Variants in OR2L13 observed in about 807,000 individuals in gnomAD.
OR2L13 encodes the protein olfactory receptor 2L13.
In OR2L13, 14 loss-of-function variants were observed where a neutral mutation model predicts 15.3. The ratio of observed to expected loss-of-function variants is 0.91; its 90% CI spans 0.60 to 1.43. The LOEUF (loss-of-function observed/expected upper bound fraction) is 1.43. OR2L13 is among the 40% of genes most tolerant of loss of function. The probability of loss-of-function intolerance (pLI) is 0.00; values close to 1 mark genes in which losing one functional copy is unlikely to be tolerated. For missense variants in OR2L13, 367 were observed against 387.9 expected (o/e 0.95, Z 0.45); for synonymous variants, 152 against 142.9 (o/e 1.06, Z -0.45).
the OR2L13 span, among the ~76,000 whole-genome samples, chr1:248,076,029 G>T: frequency 6.6e-6 from 1 of 152,092 alleles, no homozygotes; most frequent in African/African-American, 2.4e-5. Context: ...TTTTATATAA[G>T]ATCTAAGGGA....
chr1:247,963,855 A>G, the OR2L13 span, among the ~76,000 whole-genome samples: 43 of 152,074 alleles, frequency 2.8e-4, no homozygotes, highest in African/African-American at 1.0e-3. Flanking sequence ...TCTGCATCTT[A>G]CTTTTATTAA....
the OR2L13 span, among the ~76,000 whole-genome samples, chr1:248,008,588 G>C: frequency 1.3e-5 from 2 of 151,898 alleles, no homozygotes; most frequent in Non-Finnish European, 2.9e-5. Context: ...AATAATAGTG[G>C]GAGACTTTAA....
the OR2L13 span, chr1:248,022,609 T>C: frequency 6.2e-7 from 1 of 1,614,174 alleles, no homozygotes; most frequent in South Asian, 1.1e-5. Flanking sequence ...GGCTGGGTTC[T>C]CCTTGCTGTC....
At chr1:248,036,718 G>A in the OR2L13 span, among the ~76,000 whole-genome samples, 5 of 152,118 alleles carry the variant, frequency 3.3e-5, no homozygotes, top group Admixed American at 6.5e-5. Flanking sequence ...AAGAATACTC[G>A]AACCACCTCT....
the OR2L13 span, among the ~76,000 whole-genome samples, chr1:248,049,657 A>G: frequency 3.9e-5 from 6 of 152,204 alleles, no homozygotes; most frequent in African/African-American, 4.8e-5. Context: ...GTAAATTTTA[A>G]TCATTAAAAA....
the OR2L13 span, among the ~76,000 whole-genome samples, chr1:247,955,101 C>T: frequency 1.3e-5 from 2 of 149,258 alleles, no homozygotes; most frequent in African/African-American, 2.5e-5. Flanking sequence ...CTCCCCCCTT[C>T]CCCCACCCCA....
At chr1:248,058,832 C>CT in the OR2L13 span, among the ~76,000 whole-genome samples, 1 of 151,940 alleles carries the variant, frequency 6.6e-6, no homozygotes, top group Admixed American at 6.6e-5. Flanking sequence ...GATTTCCCTA[C>CT]TTTTTTTATC....
the OR2L13 span, chr1:248,021,859 C>T: frequency 9.6e-7 from 1 of 1,046,140 alleles, no homozygotes; most frequent in Non-Finnish European, 1.4e-6. Context: ...CACTGGAGGC[C>T]TTGGAATGCA....
chr1:248,056,491 G>A, the OR2L13 span, among the ~76,000 whole-genome samples: 1 of 152,040 alleles, frequency 6.6e-6, no homozygotes, highest in Non-Finnish European at 1.5e-5. Flanking sequence ...TGTGCATTTA[G>A]TGCAATAAAT....
the OR2L13 span, among the ~76,000 whole-genome samples, chr1:248,021,237 G>T: frequency 2.0e-5 from 3 of 151,948 alleles, no homozygotes; most frequent in Admixed American, 2.0e-4. Flanking sequence ...AAAAAATTTT[G>T]GTTATAAATA....
chr1:248,084,921 T>A, the OR2L13 span, among the ~76,000 whole-genome samples: 3 of 152,222 alleles, frequency 2.0e-5, no homozygotes, highest in Non-Finnish European at 2.9e-5. Context: ...TCCTGTCCTA[T>A]ACTTACTCCA....
chr1:247,991,365 A>C, the OR2L13 span, among the ~76,000 whole-genome samples: 1 of 149,670 alleles, frequency 6.7e-6, no homozygotes, highest in African/African-American at 2.5e-5. Context: ...GCATATTCTA[A>C]GACACCTATT....
the OR2L13 span, chr1:248,041,141 G>T: frequency 6.6e-6 from 1 of 152,070 alleles, no homozygotes; most frequent in East Asian, 1.9e-4. Context: ...AAACAGCATG[G>T]TACTGGTACC....
chr1:248,007,230 A>G, the OR2L13 span, among the ~76,000 whole-genome samples: 3 of 152,178 alleles, frequency 2.0e-5, no homozygotes, highest in Admixed American at 6.5e-5. Context: ...CATCATTGAA[A>G]TCACTCCTAC....
chr1:248,069,125 G>A, the OR2L13 span, among the ~76,000 whole-genome samples: 7 of 151,980 alleles, frequency 4.6e-5, no homozygotes, highest in Admixed American at 2.0e-4. Flanking sequence ...TACAGAGAAC[G>A]CCACAAAGAT....
At chr1:247,991,586 G>T in the OR2L13 span, among the ~76,000 whole-genome samples, 1 of 149,362 alleles carries the variant, frequency 6.7e-6, no homozygotes, top group African/African-American at 2.5e-5. Flanking sequence ...CTTAGACTCA[G>T]TTGGGTGTCA....
chr1:248,094,825 A>G (rs991474155), upstream of OR2L13, among the ~76,000 whole-genome samples: 6 of 152,338 alleles, frequency 3.9e-5, no homozygotes, highest in South Asian at 1.2e-3. Context: ...TACTGAGTCG[A>G]GTACTTGTAA....
the OR2L13 span, among the ~76,000 whole-genome samples, chr1:247,969,990 A>G: frequency 6.6e-6 from 1 of 152,194 alleles, no homozygotes; most frequent in African/African-American, 2.4e-5. Flanking sequence ...GCCAACTCCT[A>G]TGCAGAACTA....
the OR2L13 span, chr1:247,949,279 T>C: frequency 3.7e-6 from 6 of 1,614,050 alleles, no homozygotes; most frequent in Admixed American, 8.3e-5. Context: ...AGAGTGTGTG[T>C]GCTGATGATA....
Sources: allele counts gnomAD v4.1 joint callset (sites outside exome capture counted in the v4.1 genomes callset), GRCh38; gene constraint gnomAD v4.1.1; transcripts MANE v1.5; gene names NCBI Gene and HGNC (gene_info 2026-07-23, HGNC 2026-07-21).